The following WWOX variants were observed in gnomAD, a reference collection of about 807,000 sequenced individuals.
The protein encoded by WWOX is WW domain-containing oxidoreductase.
Under a neutral mutation model 46.2 loss-of-function variants are expected in WWOX, and 69 were observed. That is an observed-to-expected ratio of 1.49 (90% CI 1.23 to 1.82). The LOEUF (loss-of-function observed/expected upper bound fraction) is 1.82, where lower values mean the gene tolerates loss of function less well. Ranked by LOEUF, WWOX falls within the 40% of genes most tolerant of loss-of-function variation. WWOX has a pLI of 0.00. For missense variants in WWOX, 919 were observed against 542.6 expected (o/e 1.69, Z -6.89); for synonymous variants, 359 against 202.6 (o/e 1.77, Z -6.56).
In WWOX at chr16:78,655,488, G is replaced by C. The variant is rs535556699; in HGVS notation, c.1056+222736G>C. Among the ~76,000 whole-genome samples, 4 of 152,268 alleles carry C rather than the reference G, an allele frequency of 2.6e-5. No homozygotes were observed. In the East Asian group the frequency reaches 7.7e-4, roughly 29 times the overall value. ...CTGAGTGTGCAGCCTTTTGTCTGCTGTGTTTCCTGCCAAAAGATCTCTTGA... is the reference window on the plus strand; with the variant it reads ...CTGAGTGTGCAGCCTTTTGTCTGCTCTGTTTCCTGCCAAAAGATCTCTTGA... On this transcript the variant is annotated intron_variant, in intron 8 of 8. Coordinates refer to ENST00000566780, the MANE Select transcript of WWOX (RefSeq NM_016373.4).
chr16:78,975,524 C>T (rs561886285), intron 8 of WWOX, among the ~76,000 whole-genome samples: 93 of 151,546 alleles, frequency 6.1e-4, no homozygotes, highest in African/African-American at 2.1e-3. Flanking sequence ...TCCTAATGGT[C>T]TTTGCCCATG....
At chr16:78,660,547 G>T (rs561315521) in intron 8 of WWOX, among the ~76,000 whole-genome samples, 1 of 152,212 alleles carries the variant, frequency 6.6e-6, no homozygotes, top group Admixed American at 6.5e-5. Flanking sequence ...AGGGCCTCCT[G>T]GTCCTGCAAA....
chr16:78,382,086 A>G (rs770049902), intron 5 of WWOX, among the ~76,000 whole-genome samples: 5 of 152,074 alleles, frequency 3.3e-5, no homozygotes, highest in African/African-American at 7.2e-5. Flanking sequence ...TTTTTTTATA[A>G]TGGATGTGAG....
intron 8 of WWOX, among the ~76,000 whole-genome samples, chr16:78,879,864 C>G (rs986313450): frequency 7.3e-5 from 9 of 123,340 alleles, no homozygotes; most frequent in Admixed American, 2.5e-4. Flanking sequence ...GCAACAACAG[C>G]AAAACTCTGT....
chr16:78,430,792 A>G (rs1292232285), intron 7 of WWOX, among the ~76,000 whole-genome samples: 1 of 152,224 alleles, frequency 6.6e-6, no homozygotes, highest in Non-Finnish European at 1.5e-5. Context: ...ATTTAACACT[A>G]GAAATTGGAT....
Position 79,212,381 on chromosome 16 carries a change from A to T in WWOX, c.*585A>T. ...CAGAGGGAGTAGAATACGCAGAACT[A>T]CCAGGTGGCAAAGTACTTGTCATAG... On this transcript the variant is annotated 3_prime_UTR_variant, in exon 9 of 9. Transcript: ENST00000566780. 1 of 494,246 alleles carries T rather than the reference A, an allele frequency of 2.0e-6. No homozygotes were observed. The highest frequency in any genetic ancestry group is 3.5e-6 in the Non-Finnish European group (1 of 284,628). The allele number at this position is 494,246 out of a possible 1,614,324, so 30.6% of individuals were successfully genotyped here.
intron 8 of WWOX, among the ~76,000 whole-genome samples, chr16:78,908,537 C>G (rs902180788): frequency 5.7e-5 from 2 of 34,978 alleles, no homozygotes; most frequent in South Asian, 3.8e-3. Context: ...GAAACTCTGT[C>G]TCGGAAAAAA....
At chr16:78,261,212 T>A (rs114641362) in intron 5 of WWOX, among the ~76,000 whole-genome samples, 2,646 of 150,952 alleles carry the variant, frequency 0.018, 123 homozygotes, top group African/African-American at 0.058. Context: ...TTTATGTGTG[T>A]TCATTCTAGT....
chr16:78,542,018 CAA>C (rs548366256), intron 8 of WWOX, among the ~76,000 whole-genome samples: 673 of 40,564 alleles, frequency 0.017, 6 homozygotes, highest in African/African-American at 0.058. Context: ...CAGAGTATAC[CAA>C]AAAAAAAAAA....
chr16:78,365,812 G>C (rs1433423183), intron 5 of WWOX, among the ~76,000 whole-genome samples: 1 of 152,040 alleles, frequency 6.6e-6, no homozygotes, highest in Non-Finnish European at 1.5e-5. Flanking sequence ...CCAAATTTCT[G>C]TGTCTTCATT....
chr16:78,472,804 C>A (rs1045595644), intron 8 of WWOX, among the ~76,000 whole-genome samples: 52 of 89,994 alleles, frequency 5.8e-4, no homozygotes, highest in Non-Finnish European at 2.3e-4. Flanking sequence ...AGTGAAACTC[C>A]ATCTCAAAAA....
At chr16:78,766,786 T>G (rs908762704) in intron 8 of WWOX, among the ~76,000 whole-genome samples, 1 of 152,246 alleles carries the variant, frequency 6.6e-6, no homozygotes, top group Admixed American at 6.5e-5. Context: ...TTTTTTATTT[T>G]GGCAAAATGT....
chr16:78,123,035 CCT>C (rs1383891865), intron 4 of WWOX, among the ~76,000 whole-genome samples: 8 of 152,066 alleles, frequency 5.3e-5, no homozygotes, highest in East Asian at 1.9e-4. Context: ...TAGTTCTGTT[CCT>C]CTCAGTCCAT....
chr16:78,632,312 C>T (rs866513568), intron 8 of WWOX, among the ~76,000 whole-genome samples: 18 of 152,070 alleles, frequency 1.2e-4, no homozygotes, highest in Non-Finnish European at 2.2e-4. Context: ...CACTAAAACA[C>T]GTAGAATAGT....
At chr16:78,180,671 T>G (rs560948674) in intron 5 of WWOX, among the ~76,000 whole-genome samples, 4 of 149,954 alleles carry the variant, frequency 2.7e-5, no homozygotes, top group South Asian at 4.2e-4. Flanking sequence ...CACCGGAGAG[T>G]TGTGGGTATA....
At chr16:78,275,820 A>T (rs905053838) in intron 5 of WWOX, among the ~76,000 whole-genome samples, 1 of 152,104 alleles carries the variant, frequency 6.6e-6, no homozygotes, top group African/African-American at 2.4e-5. Context: ...AGTTTGGGTG[A>T]ATTTCTTTGT....
chr16:78,681,181 G>T (rs554070541), intron 8 of WWOX, among the ~76,000 whole-genome samples: 2 of 152,098 alleles, frequency 1.3e-5, no homozygotes, highest in African/African-American at 4.8e-5. Context: ...CCCGAGAGGC[G>T]GAGATTGCAT....
intron 8 of WWOX, among the ~76,000 whole-genome samples, chr16:78,837,768 T>C (rs1207609473): frequency 6.6e-6 from 1 of 152,258 alleles, no homozygotes; most frequent in African/African-American, 2.4e-5. Flanking sequence ...AGCCACCATC[T>C]ATCTATACTT....
At chr16:78,756,165 G>A (rs950691948) in intron 8 of WWOX, among the ~76,000 whole-genome samples, 1 of 152,146 alleles carries the variant, frequency 6.6e-6, no homozygotes, top group Non-Finnish European at 1.5e-5. Context: ...TGAATTTCTA[G>A]TATGTACTGC....
Sources: allele counts gnomAD v4.1 joint callset (sites outside exome capture counted in the v4.1 genomes callset), GRCh38; gene constraint gnomAD v4.1.1; transcripts MANE v1.5; gene names NCBI Gene and HGNC (gene_info 2026-07-23, HGNC 2026-07-21).